CTNND2: variants seen among roughly 807,000 people sequenced by gnomAD.
CTNND2 encodes catenin delta 2.
CTNND2 carries 22 observed loss-of-function variants against 144.4 expected under a neutral mutation model. The observed-to-expected ratio is 0.15, with a 90% CI of 0.11 to 0.22. The LOEUF is 0.22. CTNND2 is among the 10% of genes least tolerant of loss of function. The probability of loss-of-function intolerance (pLI) is 1.00; values close to 1 mark genes in which losing one functional copy is unlikely to be tolerated. For synonymous variants in CTNND2, 751 were observed against 695.6 expected (o/e 1.08, Z -1.25); for missense variants, 1,353 against 1,618.8 (o/e 0.84, Z 2.82).
chr5:11,887,105 TC>T (rs1242632782), intron 1 of CTNND2, among the ~76,000 whole-genome samples: 2 of 148,258 alleles, frequency 1.3e-5, no homozygotes, highest in African/African-American at 2.5e-5. Context: ...TGCCTCAGCC[TC>T]CCCGGCAGCT....
chr5:11,237,840 T>C (rs1434503657), intron 9 of CTNND2, among the ~76,000 whole-genome samples: 1 of 152,222 alleles, frequency 6.6e-6, no homozygotes, highest in Non-Finnish European at 1.5e-5. Flanking sequence ...ATTACTGTTG[T>C]TATTTTCACA....
chr5:11,022,099 T>C (rs978950704), intron 17 of CTNND2, among the ~76,000 whole-genome samples: 15 of 152,216 alleles, frequency 9.9e-5, no homozygotes, highest in African/African-American at 3.6e-4. Context: ...AAGTCTCATC[T>C]CTTTTTGTTC....
chr5:11,185,789 T>C (rs778022249), intron 11 of CTNND2, among the ~76,000 whole-genome samples: 9 of 152,224 alleles, frequency 5.9e-5, no homozygotes, highest in Non-Finnish European at 8.8e-5. Context: ...GCAAGGGATG[T>C]AGACGTTATA....
intron 10 of CTNND2, among the ~76,000 whole-genome samples, chr5:11,225,571 TA>T (rs770608921): frequency 1.6e-4 from 24 of 152,164 alleles, no homozygotes; most frequent in Non-Finnish European, 2.4e-4. Context: ...CACTGTTTCT[TA>T]AGATGTATTT....
intron 16 of CTNND2, among the ~76,000 whole-genome samples, chr5:11,039,933 G>A (rs997750947): frequency 7.9e-5 from 12 of 152,016 alleles, no homozygotes; most frequent in Admixed American, 3.3e-4. Flanking sequence ...ATGGTGACAC[G>A]TGCCTGTAGT....
intron 3 of CTNND2, among the ~76,000 whole-genome samples, chr5:11,418,132 C>T (rs1195914387): frequency 6.6e-6 from 1 of 151,890 alleles, no homozygotes; most frequent in African/African-American, 2.4e-5. Context: ...TTGGGCCGGG[C>T]GTGGTGGCTC....
intron 5 of CTNND2, among the ~76,000 whole-genome samples, chr5:11,400,737 G>A (rs1265450269): frequency 6.6e-6 from 1 of 152,086 alleles, no homozygotes; most frequent in African/African-American, 2.4e-5. Flanking sequence ...TGTATGAATT[G>A]GTTAGAGACT....
At chr5:11,525,742 G>C (rs1561514250) in intron 3 of CTNND2, among the ~76,000 whole-genome samples, 1 of 152,182 alleles carries the variant, frequency 6.6e-6, no homozygotes, top group Admixed American at 6.5e-5. Flanking sequence ...CGCCTACACA[G>C]TCCCAGTGTG....
chr5:11,660,473 T>A (rs895413700), intron 2 of CTNND2, among the ~76,000 whole-genome samples: 1 of 152,222 alleles, frequency 6.6e-6, no homozygotes, highest in Admixed American at 6.5e-5. Context: ...AAAGAGGAGA[T>A]GTCCAGATGG....
chr5:11,562,547 A>G (rs978750176), intron 3 of CTNND2, among the ~76,000 whole-genome samples: 4 of 152,238 alleles, frequency 2.6e-5, no homozygotes, highest in African/African-American at 9.6e-5. Flanking sequence ...ATACAAAATA[A>G]TTAAGCTTGA....
At chr5:11,355,485 A>C (rs558495473) in intron 8 of CTNND2, among the ~76,000 whole-genome samples, 1 of 152,110 alleles carries the variant, frequency 6.6e-6, no homozygotes, top group Non-Finnish European at 1.5e-5. Context: ...ACAAAAAAAA[A>C]CTCTCAACAA....
intron 3 of CTNND2, among the ~76,000 whole-genome samples, chr5:11,548,469 T>C (rs1775455675): frequency 1.3e-5 from 2 of 152,252 alleles, no homozygotes; most frequent in African/African-American, 4.8e-5. Context: ...GATTTGTTTC[T>C]GAAAATTATA....
At chr5:11,486,462 G>T (rs2149985377) in intron 3 of CTNND2, among the ~76,000 whole-genome samples, 1 of 152,246 alleles carries the variant, frequency 6.6e-6, no homozygotes, top group African/African-American at 2.4e-5. Flanking sequence ...AAATCAATTT[G>T]CCAGTAACTA....
chr5:11,781,456 T>G (rs1025515176), intron 1 of CTNND2, among the ~76,000 whole-genome samples: 1 of 152,198 alleles, frequency 6.6e-6, no homozygotes, highest in Non-Finnish European at 1.5e-5. Context: ...AATCAAATGT[T>G]GGGGATTCCT....
intron 1 of CTNND2, among the ~76,000 whole-genome samples, chr5:11,751,152 C>T (rs1236847494): frequency 6.6e-6 from 1 of 151,854 alleles, no homozygotes; most frequent in African/African-American, 2.4e-5. Context: ...TTGATGTGCT[C>T]ACAATTTAAT....
intron 7 of CTNND2, among the ~76,000 whole-genome samples, chr5:11,381,944 G>A (rs1387954398): frequency 1.3e-5 from 2 of 152,012 alleles, no homozygotes; most frequent in Non-Finnish European, 2.9e-5. Flanking sequence ...TCTAGCCTGG[G>A]TGACAGAGAG....
intron 1 of CTNND2, among the ~76,000 whole-genome samples, chr5:11,771,335 G>A (rs925298594): frequency 2.0e-5 from 3 of 151,902 alleles, no homozygotes; most frequent in Admixed American, 6.6e-5. Flanking sequence ...TGTTGGTCAG[G>A]CTGCCCTTGA....
intron 1 of CTNND2, among the ~76,000 whole-genome samples, chr5:11,753,480 T>C (rs1788737708): frequency 2.0e-5 from 3 of 151,892 alleles, no homozygotes; most frequent in Admixed American, 2.0e-4. Context: ...CATTTATTGA[T>C]TTGCAAATGT....
chr5:11,127,247 T>C (rs1547940), intron 12 of CTNND2, among the ~76,000 whole-genome samples: 38,908 of 152,148 alleles, frequency 0.26, 7,409 homozygotes, highest in East Asian at 0.54. Context: ...AACCACATTC[T>C]CTGTGCTAAG....
Sources: gnomAD v4.1 joint callset for allele counts (sites outside exome capture counted in the v4.1 genomes callset) on GRCh38, gnomAD v4.1.1 for gene constraint, MANE v1.5 for transcripts, NCBI Gene and HGNC (gene_info 2026-07-23, HGNC 2026-07-21) for gene names.